TMEM132D: variants seen among roughly 807,000 people sequenced by gnomAD.
TMEM132D encodes the protein transmembrane protein 132D, also known as mature OL transmembrane protein.
TMEM132D carries 21 observed loss-of-function variants against 62.3 expected under a neutral mutation model. The observed-to-expected ratio is 0.34, with a 90% CI of 0.24 to 0.49. The LOEUF is 0.49. Ranked by LOEUF, TMEM132D falls within the 20% of genes least tolerant of loss-of-function variation. The probability of loss-of-function intolerance (pLI) is 0.99; values close to 1 mark genes in which losing one functional copy is unlikely to be tolerated. For missense variants in TMEM132D, 1,346 were observed against 1,402.8 expected, an observed-to-expected ratio of 0.96 and a Z score of 0.65; for synonymous variants, 621 against 575.6, an observed-to-expected ratio of 1.08 and a Z score of -1.13.
intron 4 of TMEM132D, among the ~76,000 whole-genome samples, chr12:129,246,828 G>A (rs933182972): frequency 6.6e-5 from 10 of 151,930 alleles, no homozygotes; most frequent in Non-Finnish European, 1.0e-4. Context: ...GTTTTGATAT[G>A]TAAGACAGAC....
intron 3 of TMEM132D, among the ~76,000 whole-genome samples, chr12:129,518,544 CGT>C (rs374134048): frequency 0.27 from 27,207 of 99,262 alleles, 2,590 homozygotes; most frequent in Admixed American, 0.43. Context: ...TACACATGTG[CGT>C]GTGTGTGTGT....
chr12:129,154,113 A>G (rs1436749326), intron 5 of TMEM132D, among the ~76,000 whole-genome samples: 1 of 152,228 alleles, frequency 6.6e-6, no homozygotes, highest in East Asian at 1.9e-4. Context: ...ACAGCTTGAT[A>G]GATGGATGGT....
intron 4 of TMEM132D, among the ~76,000 whole-genome samples, chr12:129,255,125 C>T (rs1399747362): frequency 6.6e-6 from 1 of 152,172 alleles, no homozygotes; most frequent in African/African-American, 2.4e-5. Flanking sequence ...TGTCTGGTCC[C>T]CCTTCACCTT....
At position 129,337,837 on chromosome 12, in the gene TMEM132D, G is replaced by A. The variant is rs2135658510; in HGVS notation, c.1116-20C>T. 1 of 1,584,664 alleles carries A rather than the reference G, an allele frequency of 6.3e-7. No homozygotes were observed. Among genetic ancestry groups the A allele is most frequent in the Non-Finnish European group, 8.6e-7 (1 of 1,163,804 alleles). On this transcript the variant is annotated intron_variant, in intron 3 of 8. Coordinates refer to ENST00000422113, the MANE Select transcript of TMEM132D (RefSeq NM_133448.3). ...TCCGCACTGGAGAGAAGACACAGAGGAGAACAGCTTTCAGGGACTGATGAG... is the reference window on the plus strand; with the variant it reads ...TCCGCACTGGAGAGAAGACACAGAGAAGAACAGCTTTCAGGGACTGATGAG...
intron 1 of TMEM132D, among the ~76,000 whole-genome samples, chr12:129,862,848 A>G (rs1048176161): frequency 4.6e-5 from 7 of 152,054 alleles, no homozygotes; most frequent in African/African-American, 1.7e-4. Flanking sequence ...ATGTTTAAGA[A>G]GCATCAAGAT....
At chr12:129,865,936 C>A (rs920051735) in intron 1 of TMEM132D, among the ~76,000 whole-genome samples, 1 of 152,130 alleles carries the variant, frequency 6.6e-6, no homozygotes, top group Non-Finnish European at 1.5e-5. Flanking sequence ...TCTTGCAGTG[C>A]TATAGGTCTG....
chr12:129,819,171 C>T (rs965992794), intron 1 of TMEM132D, among the ~76,000 whole-genome samples: 3 of 151,992 alleles, frequency 2.0e-5, no homozygotes, highest in Admixed American at 6.6e-5. Context: ...CATGAGAACA[C>T]GCGCTTAGAG....
intron 1 of TMEM132D, among the ~76,000 whole-genome samples, chr12:129,720,138 C>T (rs1868765889): frequency 6.6e-6 from 1 of 152,118 alleles, no homozygotes; most frequent in African/African-American, 2.4e-5. Context: ...TAAAACCTTG[C>T]ACGCAGGAAT....
rs1467882504 is a variant in TMEM132D, at chr12:129,827,136, T to C, written c.79+76125A>G. Among the ~76,000 whole-genome samples the C allele has an allele frequency of 1.3e-5, 2 of 152,232 alleles. No individual in the cohort carries two copies. Among genetic ancestry groups the C allele is most frequent in the African/African-American group, 4.8e-5 (2 of 41,460 alleles). On this transcript the variant is annotated intron_variant, in intron 1 of 8. Transcript: ENST00000422113. This position sits in a 1 kb window ranked among gnomAD's most constrained non-coding sequence, Gnocchi z 9.7. ...ATCTCATAACAATCACTCTTAATAA[T>C]AGCAATTAATAATTAAGCGCGTCTC...
At chr12:129,712,298 G>T (rs561015563) in intron 1 of TMEM132D, among the ~76,000 whole-genome samples, 1 of 151,952 alleles carries the variant, frequency 6.6e-6, no homozygotes, top group Non-Finnish European at 1.5e-5. Flanking sequence ...CTAATTTTTT[G>T]TATTTTTAGT....
intron 4 of TMEM132D, among the ~76,000 whole-genome samples, chr12:129,259,257 T>C (rs1880489549): frequency 6.6e-6 from 1 of 152,206 alleles, no homozygotes; most frequent in Non-Finnish European, 1.5e-5. Flanking sequence ...GCAGTATCCA[T>C]ACGGTGAGTG....
In TMEM132D at chr12:129,555,672, A is replaced by G. The variant is rs117132690; in HGVS notation, c.969-24467T>C. On this transcript the variant is annotated intron_variant, in intron 2 of 8. Coordinates refer to ENST00000422113, the MANE Select transcript of TMEM132D (RefSeq NM_133448.3). ...GCCCATCAATGTCCAGGCCTTTTAA[A>G]GTTCTTAATGGGACTCTGCTAATTC... Among the ~76,000 whole-genome samples, 617 of 152,324 alleles carry G rather than the reference A, an allele frequency of 4.1e-3. 3 individuals carry two copies. The highest frequency in any genetic ancestry group is 7.8e-3 in the Admixed American group (119 of 15,292).
chr12:129,131,885 C>G (rs1876385089), intron 5 of TMEM132D, among the ~76,000 whole-genome samples: 2 of 152,098 alleles, frequency 1.3e-5, no homozygotes, highest in Admixed American at 6.6e-5. Flanking sequence ...AAATTAAAAG[C>G]AAATATTTCC....
chr12:129,811,656 C>G (rs1392955061), intron 1 of TMEM132D, among the ~76,000 whole-genome samples: 1 of 151,826 alleles, frequency 6.6e-6, no homozygotes. Context: ...AAGAGCTGAA[C>G]TTAAAATAGG....
chr12:129,686,529 C>G (rs754114903), intron 2 of TMEM132D, among the ~76,000 whole-genome samples: 6 of 152,176 alleles, frequency 3.9e-5, no homozygotes, highest in Non-Finnish European at 8.8e-5. Context: ...TTATAAATTA[C>G]CCAGTCTTGG....
chr12:129,815,630 T>C (rs1170868293), intron 1 of TMEM132D, among the ~76,000 whole-genome samples: 1 of 152,240 alleles, frequency 6.6e-6, no homozygotes, highest in African/African-American at 2.4e-5. Flanking sequence ...TGTCAAGGAC[T>C]TAATTTTTCT....
intron 3 of TMEM132D, among the ~76,000 whole-genome samples, chr12:129,412,554 A>T (rs1398757656): frequency 6.6e-6 from 1 of 152,086 alleles, no homozygotes; most frequent in Non-Finnish European, 1.5e-5. Context: ...AAGAAGAGGG[A>T]GAGATCTTAA....
intron 2 of TMEM132D, among the ~76,000 whole-genome samples, chr12:129,549,268 G>A (rs981489068): frequency 6.7e-6 from 1 of 148,950 alleles, no homozygotes; most frequent in African/African-American, 2.5e-5. Flanking sequence ...CACCATGTAA[G>A]ATGTGTCATT....
At chr12:129,351,712 C>T (rs1427530712) in intron 3 of TMEM132D, among the ~76,000 whole-genome samples, 2 of 152,186 alleles carry the variant, frequency 1.3e-5, no homozygotes, top group African/African-American at 4.8e-5. Flanking sequence ...AATGATTTTA[C>T]TCATCGTGCT....
Sources: allele counts gnomAD v4.1 joint callset (sites outside exome capture counted in the v4.1 genomes callset), GRCh38; gene constraint gnomAD v4.1.1; non-coding constraint Gnocchi (gnomAD v3.1); transcripts MANE v1.5; gene names NCBI Gene and HGNC (gene_info 2026-07-23, HGNC 2026-07-21).